Variants in SCHIP1 observed in about 807,000 individuals in gnomAD.
The protein encoded by SCHIP1 is schwannomin interacting protein 1.
Under a neutral mutation model 29.7 loss-of-function variants are expected in SCHIP1, and 8 were observed. The observed-to-expected ratio is 0.27, with a 90% CI of 0.16 to 0.49. The LOEUF (loss-of-function observed/expected upper bound fraction) is 0.49. Among genes scored for constraint, SCHIP1 ranks in the 20% least tolerant of loss-of-function variants. The pLI is 0.99. For synonymous variants in SCHIP1, 76 were observed against 94.9 expected (o/e 0.80, Z 1.16); for missense variants, 193 against 294.6 (o/e 0.66, Z 2.52).
At chr3:159,499,107 C>T in the SCHIP1 span, among the ~76,000 whole-genome samples, 2 of 152,268 alleles carry the variant, frequency 1.3e-5, no homozygotes, top group East Asian at 3.9e-4. Flanking sequence ...CATTTAATTT[C>T]GAGGCACTTG....
chr3:159,448,021 G>A, the SCHIP1 span, among the ~76,000 whole-genome samples: 10 of 152,150 alleles, frequency 6.6e-5, no homozygotes, highest in South Asian at 2.1e-4. Flanking sequence ...AGGAAGTTGA[G>A]AAAACAATGC....
the SCHIP1 span, among the ~76,000 whole-genome samples, chr3:159,427,209 G>C: frequency 6.6e-6 from 1 of 151,406 alleles, no homozygotes; most frequent in Admixed American, 6.6e-5. Context: ...GGGCAATTAG[G>C]CAGGAGAAGG....
the SCHIP1 span, among the ~76,000 whole-genome samples, chr3:159,767,120 T>C: frequency 6.6e-6 from 1 of 152,148 alleles, no homozygotes; most frequent in African/African-American, 2.4e-5. Flanking sequence ...GAGGTAGCAT[T>C]TGAGGTTAAT....
At chr3:159,663,281 G>A in the SCHIP1 span, among the ~76,000 whole-genome samples, 3 of 152,178 alleles carry the variant, frequency 2.0e-5, no homozygotes, top group African/African-American at 7.2e-5. Flanking sequence ...TGAAAAGCCT[G>A]AGTAACCCTT....
At chr3:159,736,339 A>AT in the SCHIP1 span, among the ~76,000 whole-genome samples, 5 of 152,170 alleles carry the variant, frequency 3.3e-5, no homozygotes, top group Admixed American at 6.5e-5. Flanking sequence ...CCTTAAAAAT[A>AT]TTTTTTAACT....
At chr3:159,468,739 T>A in the SCHIP1 span, among the ~76,000 whole-genome samples, 5,470 of 131,666 alleles carry the variant, frequency 0.042, 153 homozygotes, top group South Asian at 0.067. Flanking sequence ...TATAATATAA[T>A]ATATAATATA....
the SCHIP1 span, chr3:159,273,537 A>C: frequency 1.7e-6 from 2 of 1,201,586 alleles, no homozygotes; most frequent in Non-Finnish European, 2.1e-6. Flanking sequence ...GTGTTTTATC[A>C]ATTTGAAGAA....
At chr3:159,682,572 A>G in the SCHIP1 span, among the ~76,000 whole-genome samples, 3 of 152,200 alleles carry the variant, frequency 2.0e-5, no homozygotes, top group African/African-American at 7.2e-5. Context: ...CTCTAAATCT[A>G]GAGGGAAACT....
At chr3:159,804,536 C>T in the SCHIP1 span, among the ~76,000 whole-genome samples, 2 of 152,180 alleles carry the variant, frequency 1.3e-5, no homozygotes, top group Admixed American at 1.3e-4. Context: ...GGGTCCCCTC[C>T]CTCTCATTTA....
the SCHIP1 span, among the ~76,000 whole-genome samples, chr3:159,392,452 C>A: frequency 7.0e-6 from 1 of 141,932 alleles, no homozygotes; most frequent in Non-Finnish European, 1.5e-5. Context: ...CAAATGCTAT[C>A]CCTCCCCCCT....
chr3:159,465,786 T>A, the SCHIP1 span, among the ~76,000 whole-genome samples: 1 of 152,202 alleles, frequency 6.6e-6, no homozygotes, highest in African/African-American at 2.4e-5. Context: ...TTTGGCTTAA[T>A]TAAGATCTTG....
chr3:159,655,615 C>T, the SCHIP1 span, among the ~76,000 whole-genome samples: 10 of 152,094 alleles, frequency 6.6e-5, no homozygotes, highest in African/African-American at 2.2e-4. Flanking sequence ...GCAGGCCGAG[C>T]GTGGTGGCTC....
the SCHIP1 span, among the ~76,000 whole-genome samples, chr3:159,622,700 C>T: frequency 3.9e-5 from 6 of 151,922 alleles, no homozygotes; most frequent in African/African-American, 1.2e-4. Context: ...GGGTGGATCA[C>T]GAGGTCAGGA....
the SCHIP1 span, among the ~76,000 whole-genome samples, chr3:159,446,963 A>G: frequency 3.3e-5 from 5 of 152,344 alleles, no homozygotes; most frequent in Middle Eastern, 3.4e-3. Flanking sequence ...AATACAACTT[A>G]TACATGTGGC....
chr3:159,778,718 T>C, the SCHIP1 span, among the ~76,000 whole-genome samples: 3 of 152,170 alleles, frequency 2.0e-5, no homozygotes, highest in Non-Finnish European at 4.4e-5. Context: ...GCTATGTAAA[T>C]GCTTTTGAAG....
the SCHIP1 span, among the ~76,000 whole-genome samples, chr3:159,591,999 A>AAAAAG: frequency 6.6e-3 from 984 of 149,610 alleles, 17 homozygotes; most frequent in African/African-American, 0.024. Flanking sequence ...CAAAAAAAAA[A>AAAAAG]AAAGAAAGAA....
At chr3:159,495,441 C>A in the SCHIP1 span, among the ~76,000 whole-genome samples, 1 of 152,288 alleles carries the variant, frequency 6.6e-6, no homozygotes, top group African/African-American at 2.4e-5. Flanking sequence ...GCAAAAATCA[C>A]AAGCATTCTT....
chr3:159,771,114 C>G, the SCHIP1 span, among the ~76,000 whole-genome samples: 46 of 152,188 alleles, frequency 3.0e-4, no homozygotes, highest in Non-Finnish European at 5.9e-4. Flanking sequence ...GCTAGTAGCA[C>G]ACTTTTTAAA....
At chr3:159,781,720 C>T in the SCHIP1 span, among the ~76,000 whole-genome samples, 1 of 152,132 alleles carries the variant, frequency 6.6e-6, no homozygotes, top group Admixed American at 6.5e-5. Context: ...ACAGAAATCA[C>T]ATCAACACAC....
Sources: gnomAD v4.1 joint callset for allele counts (sites outside exome capture counted in the v4.1 genomes callset) on GRCh38, gnomAD v4.1.1 for gene constraint, MANE v1.5 for transcripts, NCBI Gene and HGNC (gene_info 2026-07-23, HGNC 2026-07-21) for gene names.